WDR41: variants seen among roughly 807,000 people sequenced by gnomAD.
The protein encoded by WDR41 is WD repeat-containing protein 41.
Under a neutral mutation model 69.3 loss-of-function variants are expected in WDR41, and 63 were observed. That is an observed-to-expected ratio of 0.91 (90% confidence interval 0.74 to 1.12). The LOEUF (loss-of-function observed/expected upper bound fraction) is 1.12. Ranked by LOEUF, WDR41 falls within the 50% of genes most tolerant of loss-of-function variation. The pLI is 0.00. For missense variants in WDR41, 543 were observed against 534.5 expected (o/e 1.02, Z -0.16); for synonymous variants, 185 against 192.1 (o/e 0.96, Z 0.31).
At chr5:77,541,435 T>G (rs1407528170) in intron 1 of WDR41, among the ~76,000 whole-genome samples, 2 of 150,792 alleles carry the variant, frequency 1.3e-5, no homozygotes, top group Non-Finnish European at 2.9e-5. Flanking sequence ...TGGCTATTAT[T>G]AAAAAGTCAG....
chr5:77,462,777 G>A (rs941239090), intron 4 of WDR41, among the ~76,000 whole-genome samples: 9 of 152,088 alleles, frequency 5.9e-5, no homozygotes, highest in Non-Finnish European at 1.0e-4. Flanking sequence ...AAATTGAAAA[G>A]CAAACTGAGA....
intron 12 of WDR41, among the ~76,000 whole-genome samples, chr5:77,434,404 G>T (rs1478031742): frequency 6.6e-6 from 1 of 152,078 alleles, no homozygotes; most frequent in Non-Finnish European, 1.5e-5. Context: ...GTGAAGGGAG[G>T]AAACATGGGA....
upstream of WDR41, chr5:77,492,476 G>A (rs1443701725): frequency 2.3e-6 from 1 of 425,720 alleles, no homozygotes; most frequent in Non-Finnish European, 4.1e-6. Flanking sequence ...GGGGGCGGCT[G>A]CGGCGATTGC....
intron 1 of WDR41, among the ~76,000 whole-genome samples, chr5:77,524,777 C>A (rs1802421913): frequency 6.6e-6 from 1 of 152,198 alleles, no homozygotes; most frequent in South Asian, 2.1e-4. Context: ...ATCTCAAATA[C>A]AAATACCTAA....
At chr5:77,447,150 AC>A (rs1266496351) in intron 8 of WDR41, among the ~76,000 whole-genome samples, 1 of 152,166 alleles carries the variant, frequency 6.6e-6, no homozygotes, top group African/African-American at 2.4e-5. Flanking sequence ...TGGCCAAAAA[AC>A]ATATGAAAAA....
chr5:77,508,286 A>G (rs1802143940), intron 1 of WDR41, among the ~76,000 whole-genome samples: 1 of 151,888 alleles, frequency 6.6e-6, no homozygotes, highest in African/African-American at 2.4e-5. Context: ...AAGCCCAGCT[A>G]ATTTTTTGTA....
rs555757759 is a variant in WDR41 at position 77,481,677 on chromosome 5, C to T, written c.167+7780G>A. Among the ~76,000 whole-genome samples the T allele has an allele frequency of 1.1e-3, 159 of 150,170 alleles. 1 individual carries two copies. Among genetic ancestry groups the T allele is most frequent in the African/African-American group, 3.6e-3 (149 of 41,036 alleles). ...GCACATGCCTGTAGTCCCAGCTACT[C>T]GGGAGGCTGAGGCAGAAGAATCGCT... On this transcript the variant is annotated intron_variant, in intron 2 of 12. Transcript: ENST00000296679.
intron 1 of WDR41, among the ~76,000 whole-genome samples, chr5:77,538,007 T>G (rs1431929052): frequency 6.6e-6 from 1 of 152,114 alleles, no homozygotes. Flanking sequence ...TGTGTAGATG[T>G]CAAGTCAGGG....
chr5:77,498,129 T>G (rs1801962153), intron 1 of WDR41, among the ~76,000 whole-genome samples: 1 of 152,152 alleles, frequency 6.6e-6, no homozygotes, highest in African/African-American at 2.4e-5. Flanking sequence ...AGTACAGAGT[T>G]TATGTTGAGA....
intron 11 of WDR41, 131 bp downstream of exon 11, chr5:77,437,205 C>A: frequency 1.3e-6 from 1 of 749,438 alleles, no homozygotes; most frequent in Non-Finnish European, 2.3e-6. Flanking sequence ...CATATGCTTT[C>A]TATAAACATC....
chr5:77,441,563 AC>A (rs1428256991), intron 8 of WDR41, among the ~76,000 whole-genome samples: 2 of 152,054 alleles, frequency 1.3e-5, no homozygotes, highest in East Asian at 3.9e-4. Flanking sequence ...ATATGGTGAA[AC>A]CCCATCTCTA....
exon 1 of WDR41, chr5:77,620,553 C>A (rs1235212265): frequency 2.2e-6 from 1 of 456,100 alleles, no homozygotes; most frequent in East Asian, 6.9e-5. Flanking sequence ...GAGATACTTC[C>A]TGGTCTGTGT....
intron 1 of WDR41, among the ~76,000 whole-genome samples, chr5:77,559,136 C>G (rs1446183560): frequency 1.3e-5 from 2 of 152,100 alleles, no homozygotes; most frequent in Non-Finnish European, 2.9e-5. Flanking sequence ...TAACAACCAG[C>G]TATATAGAGA....
chr5:77,475,754 A>C (rs1280265831), intron 2 of WDR41, among the ~76,000 whole-genome samples: 1 of 152,220 alleles, frequency 6.6e-6, no homozygotes, highest in Non-Finnish European at 1.5e-5. Context: ...AACTCTAAAA[A>C]GCAGAGCGCC....
intron 2 of WDR41, among the ~76,000 whole-genome samples, chr5:77,473,457 A>G (rs1800730264): frequency 6.6e-6 from 1 of 152,234 alleles, no homozygotes; most frequent in African/African-American, 2.4e-5. Context: ...ATCTAATTAA[A>G]CTAAAGAGCT....
chr5:77,596,443 A>G (rs1460448329), intron 1 of WDR41, among the ~76,000 whole-genome samples: 1 of 152,102 alleles, frequency 6.6e-6, no homozygotes, highest in Admixed American at 6.6e-5. Context: ...TTCTTTTTTA[A>G]GTAGAAGCAG....
chr5:77,491,001 A>G (rs780498428), intron 1 of WDR41, among the ~76,000 whole-genome samples: 17 of 152,212 alleles, frequency 1.1e-4, no homozygotes, highest in African/African-American at 4.1e-4. Context: ...CAATTCACAA[A>G]TTCTGTTCTT....
intron 2 of WDR41, among the ~76,000 whole-genome samples, chr5:77,474,948 A>C (rs976766053): frequency 4.6e-5 from 7 of 152,176 alleles, no homozygotes. Context: ...GGCGCAGGTC[A>C]GTGGGTGCGT....
chr5:77,590,333 T>C (rs1408792953), intron 1 of WDR41, among the ~76,000 whole-genome samples: 1 of 152,152 alleles, frequency 6.6e-6, no homozygotes, highest in Non-Finnish European at 1.5e-5. Flanking sequence ...TAGGTTCACA[T>C]GACTGAGCAT....
Sources: gnomAD v4.1 joint callset for allele counts (sites outside exome capture counted in the v4.1 genomes callset) on GRCh38, gnomAD v4.1.1 for gene constraint, MANE v1.5 for transcripts, NCBI Gene and HGNC (gene_info 2026-07-23, HGNC 2026-07-21) for gene names.